CCSER1: variants seen among roughly 807,000 people sequenced by gnomAD.
The protein encoded by CCSER1 is serine-rich coiled-coil domain-containing protein 1.
A neutral mutation model predicts 82.0 loss-of-function variants in CCSER1; 41 were observed. The observed-to-expected ratio is 0.50, with a 90% CI of 0.39 to 0.65. CCSER1 has a LOEUF of 0.65. CCSER1 is among the 30% of genes least tolerant of loss of function. The probability of loss-of-function intolerance (pLI) is 0.00; values close to 1 mark genes in which losing one functional copy is unlikely to be tolerated. For missense variants in CCSER1, 1,119 were observed against 1,064.2 expected (o/e 1.05, Z -0.72); for synonymous variants, 414 against 383.9 (o/e 1.08, Z -0.92).
chr4:90,915,274 C>T (rs1461007929), intron 8 of CCSER1, among the ~76,000 whole-genome samples: 1 of 152,098 alleles, frequency 6.6e-6, no homozygotes, highest in Non-Finnish European at 1.5e-5. Context: ...CAATAAAATA[C>T]TGGCAATCTG....
At chr4:91,043,764 T>C (rs1487565411) in intron 9 of CCSER1, among the ~76,000 whole-genome samples, 1 of 151,958 alleles carries the variant, frequency 6.6e-6, no homozygotes, top group African/African-American at 2.4e-5. Context: ...CTAATTTTAT[T>C]TTTAGTAGAG....
chr4:91,301,986 C>T (rs1345404445), intron 10 of CCSER1, among the ~76,000 whole-genome samples: 1 of 151,390 alleles, frequency 6.6e-6, no homozygotes, highest in African/African-American at 2.4e-5. Flanking sequence ...TTCCTTCCTT[C>T]GTTTATTTCC....
chr4:91,524,327 TGTAA>T (rs1760662812), intron 10 of CCSER1, among the ~76,000 whole-genome samples: 1 of 152,220 alleles, frequency 6.6e-6, no homozygotes, highest in Non-Finnish European at 1.5e-5. Context: ...TTATGAATGC[TGTAA>T]GTTAGTCATA....
intron 6 of CCSER1, among the ~76,000 whole-genome samples, chr4:90,667,259 A>G (rs1192544359): frequency 6.6e-6 from 1 of 152,176 alleles, no homozygotes; most frequent in Non-Finnish European, 1.5e-5. Flanking sequence ...CCTCAGCTGC[A>G]CAGTGGAAAT....
At chr4:91,299,217 G>C (rs961482647) in intron 10 of CCSER1, among the ~76,000 whole-genome samples, 1 of 151,934 alleles carries the variant, frequency 6.6e-6, no homozygotes, top group Non-Finnish European at 1.5e-5. Context: ...ACACAAATTT[G>C]ATGAGATTAC....
chr4:91,418,164 C>T (rs910818094), intron 10 of CCSER1, among the ~76,000 whole-genome samples: 1 of 151,248 alleles, frequency 6.6e-6, no homozygotes, highest in Non-Finnish European at 1.5e-5. Context: ...AAATTCACAC[C>T]TGAAGGAAAT....
intron 10 of CCSER1, among the ~76,000 whole-genome samples, chr4:91,161,474 A>G (rs1008576438): frequency 3.3e-5 from 5 of 152,124 alleles, no homozygotes; most frequent in Non-Finnish European, 7.4e-5. Flanking sequence ...ATGGCATTGA[A>G]TCTATAAATT....
At chr4:91,078,268 A>G (rs1722248582) in intron 9 of CCSER1, among the ~76,000 whole-genome samples, 1 of 152,126 alleles carries the variant, frequency 6.6e-6, no homozygotes, top group African/African-American at 2.4e-5. Flanking sequence ...TTAGGCAGCA[A>G]CATTTGCTGT....
Position 90,553,243 on chromosome 4 carries a change from C to T in CCSER1, c.1725-74782C>T, listed in dbSNP as rs562673403. Among the ~76,000 whole-genome samples, 10 of 152,324 alleles carry T rather than the reference C, an allele frequency of 6.6e-5. No individual in the cohort carries two copies. In the East Asian group the frequency reaches 1.9e-3, roughly 29 times the overall value. ...TTGGCCCCACAAAGTGCTGGGATTACAGGCGTGAGCCATTGCACCTGGCCA... is the reference window on the plus strand; with the variant it reads ...TTGGCCCCACAAAGTGCTGGGATTATAGGCGTGAGCCATTGCACCTGGCCA... On this transcript the variant is annotated intron_variant, in intron 5 of 10. Transcript: ENST00000509176.
At chr4:91,315,634 GAA>G (rs1374488666) in intron 10 of CCSER1, among the ~76,000 whole-genome samples, 1 of 151,894 alleles carries the variant, frequency 6.6e-6, no homozygotes, top group African/African-American at 2.4e-5. Flanking sequence ...GGAAATCTGA[GAA>G]AAAGACACAT....
intron 10 of CCSER1, among the ~76,000 whole-genome samples, chr4:91,421,391 G>A (rs953516641): frequency 1.3e-5 from 2 of 152,184 alleles, no homozygotes; most frequent in African/African-American, 2.4e-5. Context: ...ACCTTGTGGA[G>A]TCGTGGGTGT....
At chr4:91,505,407 G>T (rs1560723168) in intron 10 of CCSER1, among the ~76,000 whole-genome samples, 1 of 152,114 alleles carries the variant, frequency 6.6e-6, no homozygotes, top group South Asian at 2.1e-4. Flanking sequence ...ATGAACATAT[G>T]CGTGCATGTA....
chr4:90,268,077 A>C (rs1287976200), intron 1 of CCSER1, among the ~76,000 whole-genome samples: 1 of 152,220 alleles, frequency 6.6e-6, no homozygotes, highest in Non-Finnish European at 1.5e-5. Flanking sequence ...AAAAAGGAGA[A>C]ATAAAGACTT....
rs139090376 is a variant in CCSER1 at position 90,576,722 on chromosome 4, C to T, written c.1725-51303C>T. On this transcript the variant is annotated intron_variant, in intron 5 of 10. Transcript: ENST00000509176. ...GCTCATTTCTACTTAGCACTGAATA[C>T]AATTTTATTGTCTAGATATACTACA... Among the ~76,000 whole-genome samples, 583 of 152,198 alleles carry T rather than the reference C, an allele frequency of 3.8e-3. 4 individuals carry two copies. The highest frequency in any genetic ancestry group is 0.013 in the African/African-American group (555 of 41,552).
intron 8 of CCSER1, among the ~76,000 whole-genome samples, chr4:90,889,078 A>G (rs942838101): frequency 4.6e-5 from 7 of 152,166 alleles, no homozygotes; most frequent in Non-Finnish European, 1.0e-4. Context: ...AGAAATCAAG[A>G]TATACAAAAA....
chr4:90,682,882 T>C (rs1271263855), intron 6 of CCSER1: 2 of 152,140 alleles, frequency 1.3e-5, no homozygotes, highest in African/African-American at 4.8e-5. Flanking sequence ...TTTTAATTAA[T>C]GTTTTTACAT....
At chr4:91,344,039 G>A (rs1246241951) in intron 10 of CCSER1, among the ~76,000 whole-genome samples, 2 of 152,166 alleles carry the variant, frequency 1.3e-5, no homozygotes, top group African/African-American at 4.8e-5. Flanking sequence ...ACTATGGTTG[G>A]ATGTTTGTGA....
chr4:90,588,868 G>T (rs894163383), intron 5 of CCSER1, among the ~76,000 whole-genome samples: 2 of 152,110 alleles, frequency 1.3e-5, no homozygotes, highest in Admixed American at 1.3e-4. Context: ...AAGCCACATG[G>T]AACTGTGAGT....
chr4:91,374,691 T>C (rs1027574212), intron 10 of CCSER1, among the ~76,000 whole-genome samples: 1 of 152,200 alleles, frequency 6.6e-6, no homozygotes, highest in Non-Finnish European at 1.5e-5. Flanking sequence ...CTTTCAAGTT[T>C]TGTTATTTTA....
Sources: gnomAD v4.1 joint callset for allele counts (sites outside exome capture counted in the v4.1 genomes callset) on GRCh38, gnomAD v4.1.1 for gene constraint, MANE v1.5 for transcripts, NCBI Gene and HGNC (gene_info 2026-07-23, HGNC 2026-07-21) for gene names.